SMCHD1: variants seen among roughly 807,000 people sequenced by gnomAD.
The protein encoded by SMCHD1 is structural maintenance of chromosomes flexible hinge domain-containing protein 1.
A neutral mutation model predicts 254.7 loss-of-function variants in SMCHD1; 78 were observed. That is an observed-to-expected ratio of 0.31 (90% CI 0.26 to 0.37). SMCHD1 has a LOEUF of 0.37. SMCHD1 is among the 10% of genes least tolerant of loss of function. The pLI, the probability that SMCHD1 is intolerant of heterozygous loss-of-function variation, is 1.00. For missense variants in SMCHD1, 1,840 were observed against 2,408.1 expected (o/e 0.76, Z 4.94); for synonymous variants, 766 against 794.9 (o/e 0.96, Z 0.61).
At chr18:2,660,815 TGGA>T (rs1568063498) in intron 1 of SMCHD1, among the ~76,000 whole-genome samples, 1 of 152,080 alleles carries the variant, frequency 6.6e-6, no homozygotes, top group East Asian at 1.9e-4. Flanking sequence ...GAAAAATCCA[TGGA>T]TATTTCATAT....
chr18:2,711,755 T>C (rs931407722), intron 17 of SMCHD1, among the ~76,000 whole-genome samples: 1 of 152,110 alleles, frequency 6.6e-6, no homozygotes, highest in Admixed American at 6.6e-5. Context: ...GTGCTGGGAT[T>C]ACAGGCGTGA....
chr18:2,697,769 A>G, intron 9 of SMCHD1, 62 bp from the exon 10 acceptor site: 1 of 1,080,018 alleles, frequency 9.3e-7, no homozygotes, highest in Non-Finnish European at 1.4e-6. Context: ...GTTGAATCAT[A>G]GCTGAGAACA....
chr18:2,705,708 G>A lies in SMCHD1; in HGVS notation c.1857G>A (p.Lys619=). 1 of 1,566,382 alleles carries A rather than the reference G, an allele frequency of 6.4e-7. No individual in the cohort carries two copies. The highest frequency in any genetic ancestry group is 8.8e-7 in the Non-Finnish European group (1 of 1,142,090). The change falls in exon 14 of 48, where the codon AAG becomes AAA. Residue 619 remains lysine (K), a synonymous_variant. Coordinates refer to ENST00000320876, the MANE Select transcript of SMCHD1 (RefSeq NM_015295.3). ...CTAAATATTAGGTCAAGACAATCAAGACACTTCCCCTCTTTTATGGAAGCA... is the reference window on the plus strand; with the variant it reads ...CTAAATATTAGGTCAAGACAATCAAAACACTTCCCCTCTTTTATGGAAGCA... ...YKAGQLVKTI[K]TLPLFYGSIV... is the part of the protein sequence containing the mutation.
In SMCHD1 at chr18:2,790,114, G is replaced by A. The variant is rs141096502; in HGVS notation, c.5719+5493G>A. 3.2e-3 allele frequency among the ~76,000 whole-genome samples: 488 copies of A among 152,236 alleles called. 4 individuals are homozygous for A. Among genetic ancestry groups the A allele is most frequent in the African/African-American group, 0.011 (453 of 41,540 alleles). ...GGAGAATTGCTTGAACCCAGGAGGC[G>A]GAGCTTGCAGTGAGCCGACATCGCG... is the stretch of plus-strand genomic sequence containing the variant. On this transcript the variant is annotated intron_variant, in intron 45 of 47. Transcript: ENST00000320876.
At chr18:2,777,478 A>G (rs1486933448) in intron 42 of SMCHD1, among the ~76,000 whole-genome samples, 1 of 151,548 alleles carries the variant, frequency 6.6e-6, no homozygotes, top group Non-Finnish European at 1.5e-5. Flanking sequence ...ACCACTCTTC[A>G]CATGAACAGT....
chr18:2,705,725 A>C lies in SMCHD1; in HGVS notation c.1874A>C (p.Tyr625Ser), dbSNP rs1441731584. The change falls in exon 14 of 48, where the codon TAT becomes TCT. Residue 625 changes from tyrosine to serine, a missense_variant. Tyr to Ser is a moderately radical substitution (Grantham distance 144). Around this residue, in one of 9 missense-constraint regions of SMCHD1, gnomAD observed 498 missense variants for 743.5 expected, o/e 0.67. Coordinates refer to ENST00000320876, the MANE Select transcript of SMCHD1 (RefSeq NM_015295.3). ...ACAATCAAGACACTTCCCCTCTTTT[A>C]TGGAAGCATAGTAAGATTTTTTCTT... ...VKTIKTLPLF[Y>S]GSIVRFFLYG... 6.2e-7 allele frequency: 1 copy of C among 1,600,506 alleles called. No individual in the cohort carries two copies. The highest frequency in any genetic ancestry group is 8.5e-7 in the Non-Finnish European group (1 of 1,170,874).
chr18:2,736,940 C>T (rs1050375813), intron 25 of SMCHD1, among the ~76,000 whole-genome samples: 13 of 152,142 alleles, frequency 8.5e-5, no homozygotes, highest in African/African-American at 4.8e-5. Flanking sequence ...AATATACGTG[C>T]AGTTTTCTGT....
Position 2,689,220 on chromosome 18 carries a change from CTT to C in SMCHD1, c.873+487_873+488del, listed in dbSNP as rs71159003. Among the ~76,000 whole-genome samples the C allele has an allele frequency of 2.3e-5, 3 of 132,066 alleles. No homozygotes were observed. In the Admixed American group the frequency reaches 2.4e-4, roughly 10 times the overall value. 86.6% of individuals were successfully genotyped at this position (132,066 alleles called of 152,430 possible). On this transcript the variant is annotated intron_variant, in intron 7 of 47. Coordinates refer to ENST00000320876, the MANE Select transcript of SMCHD1 (RefSeq NM_015295.3). Reference sequence around the variant, plus strand: ...CTTTGTTTGAAACATGATTTTTTTTCTTTTTTTTTTTTTTTGAGATGGAGTCT... The same window carrying C: ...CTTTGTTTGAAACATGATTTTTTTTCTTTTTTTTTTTTTGAGATGGAGTCT...
intron 5 of SMCHD1, among the ~76,000 whole-genome samples, chr18:2,688,043 T>C (rs1335768867): frequency 6.6e-6 from 1 of 152,214 alleles, no homozygotes; most frequent in Non-Finnish European, 1.5e-5. Flanking sequence ...CTTCAGACAA[T>C]ATTTTAGCAA....
chr18:2,740,803 T>C lies in SMCHD1; in HGVS notation c.3615T>C (p.Asn1205=). 1 of 1,604,600 alleles carries C rather than the reference T, an allele frequency of 6.2e-7. No homozygotes were observed. Among genetic ancestry groups the C allele is most frequent in the South Asian group, 1.1e-5 (1 of 89,844 alleles). Reference sequence around the variant, plus strand: ...CTGGGGTTGGACTTGATAGCTCAAATTTGAAAACAACCTTTCAGGTATGGC... The same window carrying C: ...CTGGGGTTGGACTTGATAGCTCAAACTTGAAAACAACCTTTCAGGTATGGC... ...SIAGVGLDSS[N]LKTTFQENTQ... Residue 1205 remains asparagine, a synonymous_variant, in exon 28 of 48, where the codon AAT becomes AAC. Transcript: ENST00000320876.
rs1415985680 is a variant in SMCHD1 at position 2,728,686 on chromosome 18, A to C, written c.2913+90A>C. On this transcript the variant is annotated intron_variant, in intron 23 of 47. Transcript: ENST00000320876. ...CACTTAATAGTAAGTCTTACACAGG[A>C]TTTAAGTCTGAAACGATTATTCCGT... 2.2e-6 allele frequency: 3 copies of C among 1,343,602 alleles called. No homozygotes were observed. The African/African-American group carries it at 4.5e-5, about 20-fold the overall frequency. The allele number at this position is 1,343,602 out of a possible 1,614,324, so 83.2% of individuals were successfully genotyped here.
rs2074251569 is a variant in SMCHD1 at position 2,694,752 on chromosome 18, CAT to C, written c.1040+60_1040+61del. ...TACTTAACTTTTTTAAGGCAGAAAACATTACAGATATATTGAAGCCTCTTTGG... is the reference window on the plus strand; with the variant it reads ...TACTTAACTTTTTTAAGGCAGAAAACTACAGATATATTGAAGCCTCTTTGG... On this transcript the variant is annotated intron_variant, in intron 8 of 47. Coordinates refer to ENST00000320876, the MANE Select transcript of SMCHD1 (RefSeq NM_015295.3). The C allele has an allele frequency of 2.1e-6, 3 of 1,431,508 alleles. No homozygotes were observed. In the East Asian group the frequency reaches 6.8e-5, roughly 33 times the overall value. 88.7% of individuals were successfully genotyped at this position (1,431,508 alleles called of 1,614,324 possible). A position where few individuals can be genotyped will look rare whatever the true frequency, so the allele number is the denominator to read the frequency against.
At chr18:2,778,332 C>G in intron 44 of SMCHD1, 93 bp downstream of exon 44, 1 of 850,434 alleles carries the variant, frequency 1.2e-6, no homozygotes, top group Non-Finnish European at 1.8e-6. Flanking sequence ...CTAGCCTTTT[C>G]AAAACCAATT....
chr18:2,777,056 A>AC (rs140799401), intron 42 of SMCHD1, among the ~76,000 whole-genome samples: 13 of 90,716 alleles, frequency 1.4e-4, no homozygotes, highest in Admixed American at 4.6e-4. Context: ...GGCATGCACC[A>AC]CCACCTCCCC....
intron 34 of SMCHD1, among the ~76,000 whole-genome samples, chr18:2,753,352 T>C (rs2075611776): frequency 6.6e-6 from 1 of 152,258 alleles, no homozygotes; most frequent in South Asian, 2.1e-4. Context: ...GTGAACACAC[T>C]ACTATTTTCC....
rs1199860810 is a variant in SMCHD1 at position 2,748,342 on chromosome 18, T to TTGTGTGTGTGTGTGTG, written c.3927+721_3927+736dup. ...GGAAAAGCTGCTAGTCTTTGCAAAG[T>TTGTGTGTGTGTGTGTG]TGTGTGTGTGTGTGTGTGTGTGTGT... On this transcript the variant is annotated intron_variant, in intron 30 of 47. Transcript: ENST00000320876. 1.1e-3 allele frequency among the ~76,000 whole-genome samples: 89 copies of TTGTGTGTGTGTGTGTG among 78,438 alleles called. 3 individuals carry two copies. The highest frequency in any genetic ancestry group is 4.8e-3 in the African/African-American group (86 of 17,800). 51.5% of individuals were successfully genotyped at this position (78,438 alleles called of 152,430 possible).
At chr18:2,725,226 C>T (rs2075003006) in intron 21 of SMCHD1, among the ~76,000 whole-genome samples, 1 of 151,674 alleles carries the variant, frequency 6.6e-6, no homozygotes, top group Non-Finnish European at 1.5e-5. Context: ...ATATTTTTCA[C>T]CTCTCCCCGT....
chr18:2,711,734 G>A (rs918573836), intron 17 of SMCHD1, among the ~76,000 whole-genome samples: 3 of 151,774 alleles, frequency 2.0e-5, no homozygotes, highest in Non-Finnish European at 4.4e-5. Context: ...CGCCCGCCTC[G>A]GCCTCCCAAA....
At chr18:2,727,525 G>C (rs973051513) in intron 22 of SMCHD1, among the ~76,000 whole-genome samples, 3 of 152,032 alleles carry the variant, frequency 2.0e-5, no homozygotes, top group South Asian at 2.1e-4. Context: ...ATTCTTAGTA[G>C]CTAGATAGTT....
Sources: gnomAD v4.1 joint callset for allele counts (sites outside exome capture counted in the v4.1 genomes callset) on GRCh38, gnomAD v4.1.1 for gene constraint, gnomAD v4.1.1 regional missense constraint, MANE v1.5 for transcripts, NCBI Gene and HGNC (gene_info 2026-07-23, HGNC 2026-07-21) for gene names.